The following DLC1 variants were observed in gnomAD, a reference collection of about 807,000 sequenced individuals.
The protein encoded by DLC1 is rho GTPase-activating protein 7.
Under a neutral mutation model 140.3 loss-of-function variants are expected in DLC1, and 54 were observed. The ratio of observed to expected loss-of-function variants is 0.38; its 90% CI spans 0.31 to 0.48. The LOEUF (loss-of-function observed/expected upper bound fraction) is 0.48, where lower values mean the gene tolerates loss of function less well. DLC1 is among the 20% of genes least tolerant of loss of function. DLC1 has a pLI of 0.96. For synonymous variants in DLC1, 986 were observed against 728.1 expected, an observed-to-expected ratio of 1.35 and a Z score of -5.70; for missense variants, 2,536 against 1,907.0, an observed-to-expected ratio of 1.33 and a Z score of -6.14.
intron 2 of DLC1, among the ~76,000 whole-genome samples, chr8:13,405,965 CTTTCTTTCA>C: frequency 2.3e-5 from 2 of 86,978 alleles, no homozygotes; most frequent in Non-Finnish European, 2.5e-5. Context: ...TTCTTTCTTT[CTTTCTTTCA>C]TCTCTCTCTC....
At chr8:13,141,256 C>CTAAAAAAAAAAAA (rs1822967156) in intron 5 of DLC1, among the ~76,000 whole-genome samples, 1 of 63,806 alleles carries the variant, frequency 1.6e-5, no homozygotes, top group Non-Finnish European at 2.6e-5. Context: ...GAGTCTGTCT[C>CTAAAAAAAAAAAA]AAAAAAAAAA....
chr8:13,426,300 A>G (rs888792012), intron 2 of DLC1, among the ~76,000 whole-genome samples: 1 of 152,058 alleles, frequency 6.6e-6, no homozygotes, highest in Non-Finnish European at 1.5e-5. Context: ...CTCCACAAAT[A>G]CTTTTCTTCT....
At chr8:13,472,317 G>T (rs1055041028) in intron 2 of DLC1, among the ~76,000 whole-genome samples, 8 of 152,212 alleles carry the variant, frequency 5.3e-5, no homozygotes, top group African/African-American at 1.9e-4. Flanking sequence ...AATGAAGGGA[G>T]TGTTGGTTCA....
intron 5 of DLC1, chr8:13,132,888 C>A: frequency 6.4e-7 from 1 of 1,551,190 alleles, no homozygotes; most frequent in South Asian, 1.2e-5. Context: ...GCGGCGGGTC[C>A]CCTCCGCAGC....
Position 13,200,138 on chromosome 8 carries a change from G to A in DLC1, c.1349-84481C>T, listed in dbSNP as rs190583787. Among the ~76,000 whole-genome samples, 815 of 152,174 alleles carry A rather than the reference G, an allele frequency of 5.4e-3. 7 individuals carry two copies. Among genetic ancestry groups the A allele is most frequent in the Middle Eastern group, 0.024 (7 of 294 alleles). On this transcript the variant is annotated intron_variant, in intron 5 of 17. Transcript: ENST00000276297. ...GCTCACTGCAACCTCCGCCTCCTGGGTTCAAGCGATTCTCCTGCCTCTGCC... is the reference window on the plus strand; with the variant it reads ...GCTCACTGCAACCTCCGCCTCCTGGATTCAAGCGATTCTCCTGCCTCTGCC...
intron 5 of DLC1, among the ~76,000 whole-genome samples, chr8:13,218,128 A>G (rs1420826307): frequency 1.3e-5 from 2 of 152,198 alleles, no homozygotes; most frequent in African/African-American, 4.8e-5. Flanking sequence ...TTCAAAATCA[A>G]TGGGTGATGG....
At chr8:13,381,069 G>A (rs1836230365) in intron 4 of DLC1, among the ~76,000 whole-genome samples, 1 of 152,172 alleles carries the variant, frequency 6.6e-6, no homozygotes, top group East Asian at 1.9e-4. Context: ...CCTGTAGTGT[G>A]GGAGACACAG....
At chr8:13,513,229 A>G (rs1040531749) in intron 1 of DLC1, among the ~76,000 whole-genome samples, 3 of 152,100 alleles carry the variant, frequency 2.0e-5, no homozygotes, top group African/African-American at 7.2e-5. Context: ...TTGTTAGAGG[A>G]GACCATCTCT....
intron 4 of DLC1, among the ~76,000 whole-genome samples, chr8:13,313,149 A>T (rs540128475): frequency 6.6e-6 from 1 of 152,180 alleles, no homozygotes; most frequent in East Asian, 1.9e-4. Context: ...TTTTCCTTAA[A>T]ATGCTTTAGT....
chr8:13,105,702 T>C (rs915143572), intron 7 of DLC1, among the ~76,000 whole-genome samples: 1 of 151,420 alleles, frequency 6.6e-6, no homozygotes, highest in African/African-American at 2.4e-5. Context: ...CTCAGCCTCC[T>C]GAGCAGCTGG....
At chr8:13,262,318 A>G (rs1465850476) in intron 5 of DLC1, among the ~76,000 whole-genome samples, 2 of 152,180 alleles carry the variant, frequency 1.3e-5, no homozygotes, top group Non-Finnish European at 1.5e-5. Flanking sequence ...AACATATTTC[A>G]TAAGAAATGA....
chr8:13,471,906 C>A (rs1800226565), intron 2 of DLC1, among the ~76,000 whole-genome samples: 2 of 152,162 alleles, frequency 1.3e-5, no homozygotes, highest in Admixed American at 6.5e-5. Flanking sequence ...GATCTCAAGG[C>A]CGAGGAGCAG....
intron 4 of DLC1, among the ~76,000 whole-genome samples, chr8:13,305,568 T>A (rs577981136): frequency 5.3e-5 from 8 of 152,284 alleles, no homozygotes; most frequent in African/African-American, 1.9e-4. Flanking sequence ...CTGGGTGTGG[T>A]GGTTCACACC....
rs952076399 is a variant in DLC1 at position 13,378,077 on chromosome 8, T to A, written c.1314+15476A>T. 1.4e-4 allele frequency among the ~76,000 whole-genome samples: 20 copies of A among 148,138 alleles called. 1 individual carries two copies. Among genetic ancestry groups the A allele is most frequent in the South Asian group, 2.2e-4 (1 of 4,622 alleles). ...TTTTTTTGGACATTATCCTTTTTTT[T>A]AAATTTTATTTTATTATTATACTTT... On this transcript the variant is annotated intron_variant, in intron 4 of 17. Coordinates refer to ENST00000276297, the MANE Select transcript of DLC1 (RefSeq NM_182643.3).
chr8:13,232,680 C>G (rs555458439), intron 5 of DLC1, among the ~76,000 whole-genome samples: 1 of 152,300 alleles, frequency 6.6e-6, no homozygotes, highest in Non-Finnish European at 1.5e-5. Context: ...AAGGATGCTT[C>G]TCTGACATTC....
At chr8:13,494,411 C>T (rs1006787421) in intron 2 of DLC1, among the ~76,000 whole-genome samples, 4 of 152,110 alleles carry the variant, frequency 2.6e-5, no homozygotes, top group East Asian at 1.9e-4. Context: ...GTGAAGCCGA[C>T]GACCTGGGTA....
intron 1 of DLC1, among the ~76,000 whole-genome samples, chr8:13,560,325 A>G (rs1340215856): frequency 6.6e-6 from 1 of 152,224 alleles, no homozygotes; most frequent in African/African-American, 2.4e-5. Flanking sequence ...ATACTTTCTT[A>G]AAATAATTTC....
chr8:13,588,436 G>A (rs1182787432), intron 1 of DLC1, among the ~76,000 whole-genome samples: 1 of 152,044 alleles, frequency 6.6e-6, no homozygotes, highest in Non-Finnish European at 1.5e-5. Flanking sequence ...GAGAAAGAGA[G>A]CAGAGACCCG....
chr8:13,427,379 T>C (rs7816404), intron 2 of DLC1, among the ~76,000 whole-genome samples: 2,383 of 152,262 alleles, frequency 0.016, 55 homozygotes, highest in African/African-American at 0.055. Flanking sequence ...CCCCCTAGTC[T>C]CCACCCATTT....
Sources: gnomAD v4.1 joint callset for allele counts (sites outside exome capture counted in the v4.1 genomes callset) on GRCh38, gnomAD v4.1.1 for gene constraint, MANE v1.5 for transcripts, NCBI Gene and HGNC (gene_info 2026-07-23, HGNC 2026-07-21) for gene names.